Variants in FABP12 observed in about 807,000 individuals in gnomAD.
FABP12 encodes fatty acid binding protein 12.
FABP12 carries 19 observed loss-of-function variants against 13.7 expected under a neutral mutation model. The ratio of observed to expected loss-of-function variants is 1.39; its 90% confidence interval spans 0.97 to 2.04. FABP12 has a LOEUF of 2.04. Ranked by LOEUF, FABP12 falls within the 30% of genes most tolerant of loss-of-function variation. The probability of loss-of-function intolerance (pLI) is 0.00; values close to 1 mark genes in which losing one functional copy is unlikely to be tolerated. For synonymous variants in FABP12, 61 were observed against 57.0 expected, an observed-to-expected ratio of 1.07 and a Z score of -0.32; for missense variants, 182 against 164.2, an observed-to-expected ratio of 1.11 and a Z score of -0.59.
intron 3 of FABP12, among the ~76,000 whole-genome samples, chr8:81,528,279 A>T (rs996907004): frequency 6.6e-6 from 1 of 152,070 alleles, no homozygotes; most frequent in Non-Finnish European, 1.5e-5. Flanking sequence ...GGATCCTGCT[A>T]TGTTGTTCAG....
intron 1 of FABP12, among the ~76,000 whole-genome samples, chr8:81,552,402 G>A (rs375503285): frequency 1.3e-5 from 2 of 152,110 alleles, no homozygotes; most frequent in South Asian, 4.1e-4. Flanking sequence ...GCTTAAAAGA[G>A]ATTAAATGGT....
chr8:81,528,835 C>G (rs1808979686), intron 3 of FABP12, among the ~76,000 whole-genome samples: 1 of 152,134 alleles, frequency 6.6e-6, no homozygotes, highest in Admixed American at 6.5e-5. Context: ...TCTCTTTATC[C>G]TGGTGTTGGA....
intron 1 of FABP12, among the ~76,000 whole-genome samples, chr8:81,561,088 C>T (rs1471906731): frequency 6.6e-6 from 1 of 152,178 alleles, no homozygotes; most frequent in African/African-American, 2.4e-5. Flanking sequence ...CTAGAAGCAA[C>T]AGGATTTGGT....
At chr8:81,564,791 A>G (rs1284591192) in intron 1 of FABP12, among the ~76,000 whole-genome samples, 1 of 152,050 alleles carries the variant, frequency 6.6e-6, no homozygotes, top group Admixed American at 6.5e-5. Context: ...CTGCAAAATA[A>G]CCAGAAAACA....
At chr8:81,549,126 G>T (rs1238296492) in intron 1 of FABP12, among the ~76,000 whole-genome samples, 1 of 151,970 alleles carries the variant, frequency 6.6e-6, no homozygotes, top group African/African-American at 2.4e-5. Flanking sequence ...GGTCTCCAGT[G>T]CCAGCTTCAC....
chr8:81,531,385 T>A (rs1809071872), exon 2 of FABP12: 2 of 1,040,108 alleles, frequency 1.9e-6, no homozygotes, highest in Non-Finnish European at 2.8e-6. Context: ...TGAAGTAGTA[T>A]GGGAACTTGT....
At chr8:81,575,081 A>G (rs1810012444) in intron 1 of FABP12, among the ~76,000 whole-genome samples, 1 of 151,914 alleles carries the variant, frequency 6.6e-6, no homozygotes, top group Admixed American at 6.6e-5. Flanking sequence ...TTTTTGATGT[A>G]GGTATGTAGG....
chr8:81,575,660 G>T (rs186753542), intron 1 of FABP12, among the ~76,000 whole-genome samples: 64 of 152,218 alleles, frequency 4.2e-4, no homozygotes, highest in African/African-American at 1.4e-3. Flanking sequence ...TATATGTTTA[G>T]GATTGTGATA....
chr8:81,534,945 TAA>T (rs147191229), upstream of FABP12, among the ~76,000 whole-genome samples: 1 of 149,718 alleles, frequency 6.7e-6, no homozygotes, highest in Non-Finnish European at 1.5e-5. Context: ...CTCAAAAAAT[TAA>T]AAAAAAAATG....
chr8:81,580,058 C>A (rs1585860589), intron 1 of FABP12, among the ~76,000 whole-genome samples: 1 of 152,142 alleles, frequency 6.6e-6, no homozygotes, highest in African/African-American at 2.4e-5. Context: ...AAGAGAAAAG[C>A]GTGACAATTG....
At chr8:81,539,900 C>T (rs547119959) in intron 1 of FABP12, among the ~76,000 whole-genome samples, 5 of 152,312 alleles carry the variant, frequency 3.3e-5, no homozygotes, top group South Asian at 4.1e-4. Context: ...CCCAGGCTCT[C>T]GGCCAATTAC....
intron 3 of FABP12, among the ~76,000 whole-genome samples, chr8:81,528,902 A>C (rs1286084654): frequency 6.6e-6 from 1 of 152,008 alleles, no homozygotes; most frequent in Non-Finnish European, 1.5e-5. Context: ...GATCCCTGAG[A>C]GATTAGGGGG....
intron 3 of FABP12, 54 bp from the exon 4 acceptor site, chr8:81,527,175 A>G: frequency 1.9e-6 from 2 of 1,043,020 alleles, no homozygotes; most frequent in South Asian, 2.9e-5. Context: ...TCAACATTAA[A>G]ATTTTATCAG....
chr8:81,539,433 C>CTTTTTTTTTTTTTTTTTTTTTT (rs35386904), intron 2 of FABP12, among the ~76,000 whole-genome samples: 2 of 50,018 alleles, frequency 4.0e-5, no homozygotes, highest in African/African-American at 8.0e-5. Context: ...TTCTTTAGTT[C>CTTTTTTTTTTTTTTTTTTTTTT]TTTTTTTTTT....
intron 4 of FABP12, chr8:81,526,452 C>G (rs1294684205): frequency 2.0e-5 from 3 of 152,182 alleles, no homozygotes; most frequent in Non-Finnish European, 4.4e-5. Flanking sequence ...GCTGCATATC[C>G]TTAGGTAAGT....
chr8:81,582,012 A>G (rs757309015), intron 1 of FABP12, among the ~76,000 whole-genome samples: 14 of 152,036 alleles, frequency 9.2e-5, no homozygotes, highest in Admixed American at 2.6e-4. Flanking sequence ...AAACAAAACA[A>G]CCATAAATCA....
chr8:81,552,934 T>C (rs1809545152), intron 1 of FABP12, among the ~76,000 whole-genome samples: 1 of 152,176 alleles, frequency 6.6e-6, no homozygotes, highest in African/African-American at 2.4e-5. Flanking sequence ...TTTAGATATG[T>C]TTTGTTTGAC....
chr8:81,570,709 T>G (rs1440835119), intron 1 of FABP12, among the ~76,000 whole-genome samples: 3 of 151,954 alleles, frequency 2.0e-5, no homozygotes, highest in Admixed American at 6.5e-5. Flanking sequence ...GCAGAGAGGG[T>G]AGTTTCTCTC....
At chr8:81,548,138 T>C (rs1809465952) in intron 1 of FABP12, among the ~76,000 whole-genome samples, 2 of 152,196 alleles carry the variant, frequency 1.3e-5, no homozygotes, top group Admixed American at 6.5e-5. Context: ...CTGGAGAACT[T>C]CTAAAACATA....
Sources: allele counts gnomAD v4.1 joint callset (sites outside exome capture counted in the v4.1 genomes callset), GRCh38; gene constraint gnomAD v4.1.1; transcripts MANE v1.5; gene names NCBI Gene and HGNC (gene_info 2026-07-23, HGNC 2026-07-21).